ATXN8OS: variants seen among roughly 807,000 people sequenced by gnomAD.
ATXN8OS encodes the protein ATXN8 opposite strand lncRNA, also known as ATXN8 opposite strand (non-protein coding).
chr13:70,144,747 T>C (rs1888760225), intron 3 of ATXN8OS, among the ~76,000 whole-genome samples: 1 of 152,142 alleles, frequency 6.6e-6, no homozygotes, highest in South Asian at 2.1e-4. Flanking sequence ...CCTTTGGTAA[T>C]GCTAAAAAGA....
chr13:70,146,767 G>A (rs1438512696), intron 3 of ATXN8OS, among the ~76,000 whole-genome samples: 1 of 149,154 alleles, frequency 6.7e-6, no homozygotes, highest in South Asian at 2.2e-4. Context: ...ACTGTTGTGG[G>A]GTCGGGGGAG....
intron 4 of ATXN8OS, among the ~76,000 whole-genome samples, chr13:70,153,014 C>CTGTGTG (rs66574752): frequency 0.15 from 21,185 of 141,568 alleles, 1,721 homozygotes; most frequent in African/African-American, 0.24. Context: ...TAAGAAAAAA[C>CTGTGTG]TGTGTGTGTG....
chr13:70,157,583 C>T (rs1209578887), intron 4 of ATXN8OS, among the ~76,000 whole-genome samples: 2 of 151,802 alleles, frequency 1.3e-5, no homozygotes, highest in African/African-American at 4.8e-5. Flanking sequence ...ACTCTTAGAT[C>T]TCTCACTCTT....
chr13:70,112,547 T>G (rs1256162515), intron 1 of ATXN8OS, among the ~76,000 whole-genome samples: 3 of 152,106 alleles, frequency 2.0e-5, no homozygotes, highest in Non-Finnish European at 2.9e-5. Flanking sequence ...TACAGTATAG[T>G]TATAGTTTAC....
chr13:70,126,671 A>G (rs1309399706), intron 2 of ATXN8OS, among the ~76,000 whole-genome samples: 1 of 151,806 alleles, frequency 6.6e-6, no homozygotes, highest in Non-Finnish European at 1.5e-5. Context: ...GCAGATAGCT[A>G]TGTCTCGGTA....
At chr13:70,169,662 G>A (rs1450145555) in intron 4 of ATXN8OS, among the ~76,000 whole-genome samples, 1 of 150,026 alleles carries the variant, frequency 6.7e-6, no homozygotes, top group Non-Finnish European at 1.5e-5. Context: ...CTCTCTTTGA[G>A]GGGCAACACA....
chr13:70,114,751 T>C (rs1888249598), intron 1 of ATXN8OS, among the ~76,000 whole-genome samples: 1 of 152,192 alleles, frequency 6.6e-6, no homozygotes, highest in Non-Finnish European at 1.5e-5. Flanking sequence ...TCATTCTATC[T>C]TGATACAAAT....
upstream of ATXN8OS, chr13:70,107,601 C>G (rs139358653): frequency 4.7e-4 from 752 of 1,593,512 alleles, no homozygotes; most frequent in Admixed American, 5.9e-4. Flanking sequence ...AGCCTCCCCC[C>G]GCCGGGCCGC....
intron 3 of ATXN8OS, among the ~76,000 whole-genome samples, chr13:70,137,934 G>A (rs1888640364): frequency 1.3e-5 from 2 of 152,148 alleles, no homozygotes; most frequent in African/African-American, 2.4e-5. Context: ...AAAGTGAAGG[G>A]GAAGAAAGCA....
At chr13:70,107,461 G>C (rs762697170), upstream of ATXN8OS, 5 of 1,614,052 alleles carry the variant, frequency 3.1e-6, no homozygotes, top group Non-Finnish European at 4.2e-6. Flanking sequence ...GGACGGGGAG[G>C]ACGATGAAGA....
At chr13:70,170,314 T>G (rs1352463558) in exon 5 of ATXN8OS, among the ~76,000 whole-genome samples, 4 of 152,124 alleles carry the variant, frequency 2.6e-5, no homozygotes, top group African/African-American at 9.7e-5. Context: ...AAAACCTTAA[T>G]GGTTTAAGGT....
At chr13:70,116,167 A>C (rs1316841332) in intron 2 of ATXN8OS, among the ~76,000 whole-genome samples, 1 of 152,082 alleles carries the variant, frequency 6.6e-6, no homozygotes, top group African/African-American at 2.4e-5. Context: ...TTAAAAAAAA[A>C]AAAAAGTAGA....
At chr13:70,121,274 G>A (rs1368769542) in intron 2 of ATXN8OS, among the ~76,000 whole-genome samples, 5 of 152,086 alleles carry the variant, frequency 3.3e-5, no homozygotes, top group Non-Finnish European at 5.9e-5. Context: ...CACTCGGGTA[G>A]CAAAGAGGAT....
At chr13:70,168,137 T>A (rs1057315059) in intron 4 of ATXN8OS, among the ~76,000 whole-genome samples, 17 of 152,090 alleles carry the variant, frequency 1.1e-4, no homozygotes, top group Non-Finnish European at 1.6e-4. Flanking sequence ...CTTTGCATGA[T>A]TGAACTGATT....
At position 70,120,178 on chromosome 13, in the gene ATXN8OS, C is replaced by A. The variant is rs190519736; in HGVS notation, n.398+4880C>A. 2.7e-3 allele frequency among the ~76,000 whole-genome samples: 413 copies of A among 152,078 alleles called. 1 individual carries two copies. Among genetic ancestry groups the A allele is most frequent in the African/African-American group, 9.6e-3 (398 of 41,498 alleles). ...TATGGGAGTTTTAAGGTGTCAGTGA[C>A]CCACATTACCTTTAATATGTCCCCT... On this transcript the variant is annotated intron_variant and non_coding_transcript_variant, in intron 2 of 4. Coordinates refer to ENST00000678624, the Ensembl canonical transcript of ATXN8OS.
chr13:70,114,188 GA>G (rs1199097172), intron 1 of ATXN8OS, among the ~76,000 whole-genome samples: 2 of 152,046 alleles, frequency 1.3e-5, no homozygotes, highest in African/African-American at 4.8e-5. Flanking sequence ...ACCCAGTCAG[GA>G]TGCTTTTGGC....
intron 2 of ATXN8OS, among the ~76,000 whole-genome samples, chr13:70,123,061 G>A (rs1888384196): frequency 6.6e-6 from 1 of 152,022 alleles, no homozygotes; most frequent in African/African-American, 2.4e-5. Flanking sequence ...AGAAGTTACT[G>A]AGCAAATATT....
At chr13:70,120,259 A>G (rs2137474583) in intron 2 of ATXN8OS, among the ~76,000 whole-genome samples, 1 of 152,282 alleles carries the variant, frequency 6.6e-6, no homozygotes, top group African/African-American at 2.4e-5. Flanking sequence ...GTTAAGATAT[A>G]GTTGAGCAAT....
At chr13:70,118,196 G>A (rs1171722194) in intron 2 of ATXN8OS, among the ~76,000 whole-genome samples, 4 of 151,896 alleles carry the variant, frequency 2.6e-5, no homozygotes, top group African/African-American at 9.7e-5. Context: ...CTGTGAGTTG[G>A]GAGAATAATG....
Sources: gnomAD v4.1 joint callset for allele counts (sites outside exome capture counted in the v4.1 genomes callset) on GRCh38, gnomAD v4.1.1 for gene constraint, MANE v1.5 for transcripts, NCBI Gene and HGNC (gene_info 2026-07-23, HGNC 2026-07-21) for gene names.